SEMA3C: variants seen among roughly 807,000 people sequenced by gnomAD.
The protein encoded by SEMA3C is semaphorin 3C.
Under a neutral mutation model 89.4 loss-of-function variants are expected in SEMA3C, and 47 were observed. That is an observed-to-expected ratio of 0.53 (90% CI 0.42 to 0.67). The LOEUF is 0.67. SEMA3C is among the 30% of genes least tolerant of loss of function. The pLI is 0.00. For missense variants in SEMA3C, 839 were observed against 929.1 expected, an observed-to-expected ratio of 0.90 and a Z score of 1.26; for synonymous variants, 310 against 320.2, an observed-to-expected ratio of 0.97 and a Z score of 0.34.
chr7:80,810,465 C>T, intron 6 of SEMA3C, 146 bp downstream of exon 6: 1 of 532,224 alleles, frequency 1.9e-6, no homozygotes, highest in South Asian at 2.9e-5. Context: ...AGAAACTGAA[C>T]TCTCTATTTC....
chr7:80,820,224 ATT>A (rs199821909), intron 4 of SEMA3C, among the ~76,000 whole-genome samples: 4 of 149,952 alleles, frequency 2.7e-5, no homozygotes, highest in Non-Finnish European at 5.9e-5. Context: ...TACCCAGCTA[ATT>A]TTTTTTTGTA....
chr7:80,859,938 G>T (rs1267800467), intron 2 of SEMA3C, among the ~76,000 whole-genome samples: 1 of 151,632 alleles, frequency 6.6e-6, no homozygotes, highest in Non-Finnish European at 1.5e-5. Context: ...TAAAATAATC[G>T]GGTTTCAAAA....
At position 80,759,658 on chromosome 7, in the gene SEMA3C, G is replaced by C. The variant is rs146333581; in HGVS notation, c.1486-1170C>G. Among the ~76,000 whole-genome samples the C allele has an allele frequency of 1.6e-3, 247 of 152,294 alleles. 1 individual carries two copies. Among genetic ancestry groups the C allele is most frequent in the African/African-American group, 5.7e-3 (239 of 41,580 alleles). On this transcript the variant is annotated intron_variant, in intron 14 of 17. Transcript: ENST00000265361. ...TGGTAAAAAGTACAGTAAAATACCAGTTAAACTAGCAATACATGTTTTCAA... is the reference window on the plus strand; with the variant it reads ...TGGTAAAAAGTACAGTAAAATACCACTTAAACTAGCAATACATGTTTTCAA...
chr7:80,872,122 C>A (rs775446709), intron 2 of SEMA3C, among the ~76,000 whole-genome samples: 3 of 151,894 alleles, frequency 2.0e-5, no homozygotes, highest in Admixed American at 6.6e-5. Context: ...AGAAGAGTGG[C>A]AATATTTTAC....
At chr7:80,876,234 G>A (rs944803837) in intron 2 of SEMA3C, among the ~76,000 whole-genome samples, 1 of 151,972 alleles carries the variant, frequency 6.6e-6, no homozygotes, top group Non-Finnish European at 1.5e-5. Flanking sequence ...ATATTATCTG[G>A]TTTAGCATCA....
chr7:80,908,568 C>T (rs1370559522), intron 2 of SEMA3C, among the ~76,000 whole-genome samples: 4 of 152,094 alleles, frequency 2.6e-5, no homozygotes, highest in Non-Finnish European at 5.9e-5. Flanking sequence ...GAAAAGCAGG[C>T]GTAGAGAGCA....
rs529561291 is a variant in SEMA3C, at chr7:80,788,132, T to C, written c.1354+1174A>G. Among the ~76,000 whole-genome samples, 32 of 152,310 alleles carry C rather than the reference T, an allele frequency of 2.1e-4. 2 individuals carry two copies. In the South Asian group the frequency reaches 6.2e-3, roughly 30 times the overall value. On this transcript the variant is annotated intron_variant, in intron 12 of 17. Transcript: ENST00000265361. ...AAAAAGTACCCACATCTTAAACTGA[T>C]TGAAGTACGAGTGCAATTTATCCCT...
At chr7:80,779,826 T>C (rs750123633) in intron 12 of SEMA3C, among the ~76,000 whole-genome samples, 2 of 152,130 alleles carry the variant, frequency 1.3e-5, no homozygotes, top group Admixed American at 6.6e-5. Context: ...TCTCAGCAGA[T>C]TGAAGTGAGA....
At chr7:80,904,466 C>T (rs114101713) in intron 2 of SEMA3C, among the ~76,000 whole-genome samples, 1,618 of 152,294 alleles carry the variant, frequency 0.011, 25 homozygotes, top group African/African-American at 0.037. Context: ...ACATTCCACA[C>T]AGAGTAAGTG....
At chr7:80,758,085 G>A (rs1016014149) in intron 15 of SEMA3C, among the ~76,000 whole-genome samples, 3 of 152,164 alleles carry the variant, frequency 2.0e-5, no homozygotes, top group Non-Finnish European at 4.4e-5. Context: ...TGTTACAGAG[G>A]AGCTTTGAAG....
rs537895354 is a variant in SEMA3C, at chr7:80,881,034, T to C, written c.103+35645A>G. ...AAATATTCCATCACAATTATTCTTA[T>C]AAAATTACAATTCTGATGATAATCT... On this transcript the variant is annotated intron_variant, in intron 2 of 17. Coordinates refer to ENST00000265361, the MANE Select transcript of SEMA3C (RefSeq NM_006379.5). 7.2e-5 allele frequency among the ~76,000 whole-genome samples: 11 copies of C among 152,282 alleles called. No homozygotes were observed. In the East Asian group the frequency reaches 1.7e-3, roughly 24 times the overall value.
Position 80,914,551 on chromosome 7 carries a change from A to G in SEMA3C, c.103+2128T>C, listed in dbSNP as rs565594196. ...AAATTATTGAGTTACCAATCGTGCA[A>G]TTTTATTAGATGTATTCTCACTGTT... On this transcript the variant is annotated intron_variant, in intron 2 of 17. Coordinates refer to ENST00000265361, the MANE Select transcript of SEMA3C (RefSeq NM_006379.5). 8.0e-4 allele frequency among the ~76,000 whole-genome samples: 122 copies of G among 152,212 alleles called. 1 individual carries two copies. Among genetic ancestry groups the G allele is most frequent in the African/African-American group, 2.7e-3 (113 of 41,540 alleles).
At chr7:80,756,045 A>G (rs180770635) in intron 15 of SEMA3C, among the ~76,000 whole-genome samples, 2 of 152,282 alleles carry the variant, frequency 1.3e-5, no homozygotes, top group Admixed American at 6.5e-5. Flanking sequence ...AAGACTCTCA[A>G]GTGATCCAGC....
At chr7:80,892,180 A>C (rs772513970) in intron 2 of SEMA3C, among the ~76,000 whole-genome samples, 96 of 152,152 alleles carry the variant, frequency 6.3e-4, no homozygotes, top group Non-Finnish European at 1.1e-3. Context: ...GTATCTTTAC[A>C]GGAGGCAATA....
At chr7:80,905,821 C>T (rs773139196) in intron 2 of SEMA3C, 4 of 1,282,932 alleles carry the variant, frequency 3.1e-6, no homozygotes, top group Middle Eastern at 2.1e-4. Flanking sequence ...TTGGCTTATG[C>T]CACTTACTAG....
chr7:80,790,100 T>A (rs1220030552), intron 11 of SEMA3C, among the ~76,000 whole-genome samples: 2 of 152,042 alleles, frequency 1.3e-5, no homozygotes, highest in South Asian at 2.1e-4. Context: ...CTGGGCAACA[T>A]AGCAAAATTT....
chr7:80,755,077 G>A (rs1788035831), intron 15 of SEMA3C, among the ~76,000 whole-genome samples: 2 of 151,222 alleles, frequency 1.3e-5, no homozygotes, highest in African/African-American at 4.9e-5. Flanking sequence ...TGGGACTACA[G>A]GCATAAGCCA....
intron 3 of SEMA3C, among the ~76,000 whole-genome samples, 173 bp from the exon 4 acceptor site, chr7:80,827,660 CA>C (rs1224325840): frequency 6.6e-6 from 1 of 151,892 alleles, no homozygotes; most frequent in East Asian, 1.9e-4. Flanking sequence ...TTAACAATTA[CA>C]ATTATTTTTA....
At chr7:80,843,059 G>T (rs1230192472) in intron 2 of SEMA3C, among the ~76,000 whole-genome samples, 1 of 152,078 alleles carries the variant, frequency 6.6e-6, no homozygotes, top group Non-Finnish European at 1.5e-5. Context: ...CGTGTGGGTG[G>T]GGGTGCAGAT....
Sources: gnomAD v4.1 joint callset for allele counts (sites outside exome capture counted in the v4.1 genomes callset) on GRCh38, gnomAD v4.1.1 for gene constraint, MANE v1.5 for transcripts, NCBI Gene and HGNC (gene_info 2026-07-23, HGNC 2026-07-21) for gene names.